The following DPP10 variants were observed in gnomAD, a reference collection of about 807,000 sequenced individuals.
DPP10 encodes the protein inactive dipeptidyl peptidase 10.
Under a neutral mutation model 120.9 loss-of-function variants are expected in DPP10, and 33 were observed. That is an observed-to-expected ratio of 0.27 (90% CI 0.21 to 0.37). The LOEUF (loss-of-function observed/expected upper bound fraction) is 0.37. DPP10 is among the 10% of genes least tolerant of loss of function. The probability of loss-of-function intolerance (pLI) is 1.00; values close to 1 mark genes in which losing one functional copy is unlikely to be tolerated. For missense variants in DPP10, 816 were observed against 942.8 expected (o/e 0.87, Z 1.76); for synonymous variants, 337 against 326.1 (o/e 1.03, Z -0.36).
chr2:114,695,608 C>A (rs13032740), intron 1 of DPP10, among the ~76,000 whole-genome samples: 1 of 151,970 alleles, frequency 6.6e-6, no homozygotes, highest in Non-Finnish European at 1.5e-5. Flanking sequence ...TGACTTGGAA[C>A]ATAACATGAC....
chr2:114,688,947 T>C (rs1451909414), intron 1 of DPP10, among the ~76,000 whole-genome samples: 1 of 151,960 alleles, frequency 6.6e-6, no homozygotes, highest in Non-Finnish European at 1.5e-5. Flanking sequence ...TGTGTGTCTG[T>C]GTCTGTCTGT....
At chr2:114,948,400 C>G (rs976274090) in intron 1 of DPP10, among the ~76,000 whole-genome samples, 1 of 151,524 alleles carries the variant, frequency 6.6e-6, no homozygotes, top group Non-Finnish European at 1.5e-5. Flanking sequence ...CTTATTTTAC[C>G]CTTATATAGT....
chr2:115,286,524 A>ATG (rs1264583248), intron 1 of DPP10, among the ~76,000 whole-genome samples: 1 of 42,886 alleles, frequency 2.3e-5, no homozygotes, highest in African/African-American at 6.6e-5. Flanking sequence ...ATATATATAT[A>ATG]TAATATATAT....
chr2:115,726,011 C>G (rs2092758483), intron 7 of DPP10, among the ~76,000 whole-genome samples: 1 of 152,124 alleles, frequency 6.6e-6, no homozygotes, highest in Admixed American at 6.6e-5. Flanking sequence ...AAACTTTTGC[C>G]TAAGTGTGAT....
chr2:115,624,206 G>C (rs1345661955), intron 5 of DPP10, among the ~76,000 whole-genome samples: 2 of 151,888 alleles, frequency 1.3e-5, no homozygotes, highest in African/African-American at 4.9e-5. Context: ...CTTTTAAAAG[G>C]ATTATTCCTT....
At chr2:115,688,139 G>A (rs2091108939) in intron 5 of DPP10, among the ~76,000 whole-genome samples, 1 of 152,116 alleles carries the variant, frequency 6.6e-6, no homozygotes, top group Non-Finnish European at 1.5e-5. Context: ...AGTAAGTATG[G>A]AACTTTATAG....
At chr2:114,861,138 G>A (rs1558818089) in intron 1 of DPP10, among the ~76,000 whole-genome samples, 1 of 152,160 alleles carries the variant, frequency 6.6e-6, no homozygotes, top group African/African-American at 2.4e-5. Context: ...TCCAAAGAGT[G>A]CCTGTGACAT....
chr2:114,558,212 TTGGC>T (rs964986639), intron 1 of DPP10, among the ~76,000 whole-genome samples: 6 of 152,162 alleles, frequency 3.9e-5, no homozygotes, highest in African/African-American at 1.4e-4. Context: ...CATGTTGAGA[TTGGC>T]TGAGAGGTCT....
At chr2:114,774,798 C>T (rs1056130738) in intron 1 of DPP10, among the ~76,000 whole-genome samples, 7 of 151,440 alleles carry the variant, frequency 4.6e-5, no homozygotes, top group African/African-American at 1.5e-4. Flanking sequence ...CAGCAGGAAC[C>T]TTATAGAGGT....
At chr2:115,448,838 T>C (rs961636084) in intron 3 of DPP10, among the ~76,000 whole-genome samples, 2 of 152,138 alleles carry the variant, frequency 1.3e-5, no homozygotes, top group Non-Finnish European at 2.9e-5. Flanking sequence ...TTGAAAAAGT[T>C]CTCCCTATCA....
rs539314491 is a variant in DPP10, at chr2:115,779,953, G to A, written c.1362-921G>A. On this transcript the variant is annotated intron_variant, in intron 15 of 25. Transcript: ENST00000410059. ...ATTTTGTGAACTGTTTCTTGTAGCT[G>A]CCTTAACACCCCTGTTCCAATCCCC... Among the ~76,000 whole-genome samples, 26 of 152,002 alleles carry A rather than the reference G, an allele frequency of 1.7e-4. No homozygotes were observed. The South Asian group carries it at 2.1e-3, about 12-fold the overall frequency.
intron 5 of DPP10, among the ~76,000 whole-genome samples, chr2:115,646,856 C>A (rs1025420421): frequency 6.7e-6 from 1 of 148,948 alleles, no homozygotes; most frequent in African/African-American, 2.5e-5. Flanking sequence ...TAACGTCACT[C>A]TCTAACGCTG....
intron 5 of DPP10, among the ~76,000 whole-genome samples, chr2:115,583,792 T>C (rs559336274): frequency 6.6e-6 from 1 of 152,290 alleles, no homozygotes; most frequent in East Asian, 1.9e-4. Context: ...AATATTCACA[T>C]TTCATGTAGT....
chr2:115,778,798 T>C (rs1300395665), intron 15 of DPP10, among the ~76,000 whole-genome samples: 1 of 152,114 alleles, frequency 6.6e-6, no homozygotes, highest in Non-Finnish European at 1.5e-5. Flanking sequence ...GTCCTTTTAA[T>C]CGCCTTTCTT....
At chr2:114,791,584 GA>G (rs992018438) in intron 1 of DPP10, among the ~76,000 whole-genome samples, 44 of 149,208 alleles carry the variant, frequency 2.9e-4, no homozygotes, top group African/African-American at 5.9e-4. Context: ...GTTTTCTCTG[GA>G]AAAAAAAAAT....
chr2:114,969,847 A>G (rs1574600676), intron 1 of DPP10, among the ~76,000 whole-genome samples: 1 of 152,242 alleles, frequency 6.6e-6, no homozygotes, highest in Non-Finnish European at 1.5e-5. Flanking sequence ...ATAGAGAAGA[A>G]AGCCCCCCAC....
chr2:115,629,749 T>A (rs920010340), intron 5 of DPP10, among the ~76,000 whole-genome samples: 1 of 152,212 alleles, frequency 6.6e-6, no homozygotes, highest in Non-Finnish European at 1.5e-5. Flanking sequence ...TCTGCTCTGT[T>A]CCATTGGTCT....
intron 7 of DPP10, among the ~76,000 whole-genome samples, chr2:115,700,321 A>G (rs1273571802): frequency 6.6e-6 from 1 of 152,192 alleles, no homozygotes; most frequent in Admixed American, 6.5e-5. Context: ...ATGAAATTAA[A>G]GAAAAAAAAC....
intron 1 of DPP10, among the ~76,000 whole-genome samples, chr2:115,102,105 G>A (rs890825793): frequency 5.3e-5 from 8 of 152,236 alleles, no homozygotes; most frequent in South Asian, 2.1e-4. Context: ...TCACAGTTCC[G>A]GAGGCTGGAG....
Sources: gnomAD v4.1 joint callset for allele counts (sites outside exome capture counted in the v4.1 genomes callset) on GRCh38, gnomAD v4.1.1 for gene constraint, MANE v1.5 for transcripts, NCBI Gene and HGNC (gene_info 2026-07-23, HGNC 2026-07-21) for gene names.